Variants in AUP1 observed in about 807,000 individuals in gnomAD.
AUP1 encodes AUP1 lipid droplet regulating VLDL assembly factor, also known as lipid droplet-regulating VLDL assembly factor AUP1.
AUP1 carries 30 observed loss-of-function variants against 51.8 expected under a neutral mutation model. The ratio of observed to expected loss-of-function variants is 0.58; its 90% CI spans 0.43 to 0.79. AUP1 has a LOEUF of 0.79. Among genes scored for constraint, AUP1 ranks in the 30% least tolerant of loss-of-function variants. AUP1 has a pLI of 0.00. For synonymous variants in AUP1, 227 were observed against 209.0 expected (o/e 1.09, Z -0.74); for missense variants, 492 against 517.1 (o/e 0.95, Z 0.47).
chr2:74,527,104 T>C (rs1675222248), intron 10 of AUP1, 45 bp from the exon 11 acceptor site: 1 of 1,613,716 alleles, frequency 6.2e-7, no homozygotes, highest in African/African-American at 1.3e-5. Context: ...TCATCATCAT[T>C]AAACACGCAT....
intron 4 of AUP1, 59 bp from the exon 5 acceptor site, chr2:74,528,548 C>A: frequency 6.7e-7 from 1 of 1,489,658 alleles, no homozygotes; most frequent in Non-Finnish European, 9.3e-7. Context: ...GCAGCTCACA[C>A]CTGCCTTATA....
At chr2:74,527,133 G>C (rs934476788) in intron 10 of AUP1, 74 bp from the exon 11 acceptor site, 1 of 1,611,338 alleles carries the variant, frequency 6.2e-7, no homozygotes, top group Non-Finnish European at 8.5e-7. Context: ...TACTTTGCAA[G>C]AGAGGCACTA....
At position 74,527,775 on chromosome 2, in the gene AUP1, T is replaced by C. The variant is rs74372431; in HGVS notation, c.802A>G (p.Met268Val). ...RLTPADKAEH[M>V]KRQRHPRLRP... ...AATCTGGGGTGTCTTTGTCGCTTCA[T>C]GTGCTCTGCTTTGTCAGCTGGAGTG... The change falls in exon 8 of 12, where the codon ATG becomes GTG. Residue 268 changes from methionine (M) to valine (V), a missense_variant. Coordinates refer to ENST00000377526, the MANE Select transcript of AUP1 (RefSeq NM_181575.5). 1,229 of 1,614,004 alleles carry C rather than the reference T, an allele frequency of 7.6e-4. 7 individuals are homozygous for C. The African/African-American group carries it at 0.015, about 20-fold the overall frequency.
chr2:74,528,965 G>A, intron 3 of AUP1, 30 bp from the exon 4 acceptor site: 5 of 1,602,956 alleles, frequency 3.1e-6, no homozygotes, highest in Non-Finnish European at 4.2e-6. Context: ...AAAGCAAGAA[G>A]AAAAATATTG....
At position 74,528,840 on chromosome 2, in the gene AUP1, G is replaced by C; in HGVS notation, c.435C>G (p.Phe145Leu). The change falls in exon 4 of 12, where the codon TTC (phenylalanine) becomes TTG (leucine). Residue 145 changes from phenylalanine (F) to leucine (L), a missense_variant. Transcript: ENST00000377526. ...RGELVESLKR[F>L]CASTRLPPTP... ...TGGGGGGAAGCCTCGTGGAAGCACAGAATCTCTTGAGTGACTCCACCAACT... is the reference window on the plus strand; with the variant it reads ...TGGGGGGAAGCCTCGTGGAAGCACACAATCTCTTGAGTGACTCCACCAACT... 6.2e-7 allele frequency: 1 copy of C among 1,614,144 alleles called. No homozygotes were observed. Among genetic ancestry groups the C allele is most frequent in the South Asian group, 1.1e-5 (1 of 91,084 alleles).
Position 74,526,830 on chromosome 2 carries a change from G to T in AUP1, c.1203C>A (p.Phe401Leu). Residue 401 changes from phenylalanine (F) to leucine (L), a missense_variant, in exon 12 of 12, where the codon TTC becomes TTA. By Grantham distance (22) the Phe-to-Leu change is conservative. Coordinates refer to ENST00000377526, the MANE Select transcript of AUP1 (RefSeq NM_181575.5). ...QALYEYARRR[F>L]TERRAQEAD ...CAGCCTCCTGGGCTCGTCTCTCTGT[G>T]AATCTCCTGTGGGACATAGGGAGAG... is the stretch of plus-strand genomic sequence containing the variant. The T allele has an allele frequency of 6.4e-7, 1 of 1,560,030 alleles. No individual in the cohort carries two copies. Among genetic ancestry groups the T allele is most frequent in the Non-Finnish European group, 8.7e-7 (1 of 1,150,674 alleles).
At position 74,526,856 on chromosome 2, in the gene AUP1, ATAT is replaced by A; in HGVS notation, c.1197-23_1197-21del. The A allele has an allele frequency of 1.3e-6, 2 of 1,586,650 alleles. No homozygotes were observed. The highest frequency in any genetic ancestry group is 1.7e-6 in the Non-Finnish European group (2 of 1,163,454). On this transcript the variant is annotated intron_variant, in intron 11 of 11. Coordinates refer to ENST00000377526, the MANE Select transcript of AUP1 (RefSeq NM_181575.5). ...AATCTCCTGTGGGACATAGGGAGAG[ATAT>A]TATTCAGGCTTTGCCGTAGTAGCTC...
chr2:74,529,594 G>A lies in AUP1; in HGVS notation c.36C>T (p.Leu12=). ...GGGTCTCTTACCGGTGCGAGTCAAA[G>A]AGCCGCTCCGGCCCCGGCCCTGAGG... ...ELPSGPGPER[L]FDSHRLPGDC... Residue 12 remains leucine (L), a synonymous_variant, in exon 1 of 12, where the codon CTC becomes CTT. Coordinates refer to ENST00000377526, the MANE Select transcript of AUP1 (RefSeq NM_181575.5). The A allele has an allele frequency of 6.4e-7, 1 of 1,568,382 alleles. No individual in the cohort carries two copies. The highest frequency in any genetic ancestry group is 8.7e-7 in the Non-Finnish European group (1 of 1,155,406).
chr2:74,528,073 T>G, intron 6 of AUP1, 67 bp from the exon 7 acceptor site: 1 of 1,571,988 alleles, frequency 6.4e-7, no homozygotes, highest in South Asian at 1.1e-5. Context: ...ATTCCCCACT[T>G]TGGTACCTCT....
At position 74,526,992 on chromosome 2, in the gene AUP1, C is replaced by G; in HGVS notation, c.1145G>C (p.Arg382Pro). Residue 382 changes from arginine to proline, a missense_variant, in exon 11 of 12, where the codon CGG becomes CCG. Physicochemically the swap from Arg to Pro is moderately radical, Grantham distance 103. Transcript: ENST00000377526. ...ALTFAKSSWA[R>P]QESLQERKQA... ...CTTGCGCTCCTGCAGGCTCTCCTGC[C>G]GGGCCCAGGAAGACTTGGCAAATGT... The G allele has an allele frequency of 6.2e-7, 1 of 1,614,114 alleles. No individual in the cohort carries two copies. Among genetic ancestry groups the G allele is most frequent in the Non-Finnish European group, 8.5e-7 (1 of 1,180,032 alleles).
At chr2:74,528,192 C>T in intron 6 of AUP1, 56 bp downstream of exon 6, 2 of 1,554,488 alleles carry the variant, frequency 1.3e-6, no homozygotes, top group Non-Finnish European at 1.8e-6. Flanking sequence ...GCCACTAATT[C>T]CTTGACCTTG....
intron 2 of AUP1, 26 bp downstream of exon 2, chr2:74,529,336 C>G: frequency 1.2e-6 from 2 of 1,613,474 alleles, no homozygotes; most frequent in Non-Finnish European, 8.5e-7. Context: ...CCAGCTCTGA[C>G]ACTCCCCGAA....
Position 74,526,673 on chromosome 2 carries a change from A to T in AUP1, c.*127T>A. On this transcript the variant is annotated 3_prime_UTR_variant, in exon 12 of 12. Coordinates refer to ENST00000377526, the MANE Select transcript of AUP1 (RefSeq NM_181575.5). ...TGCCTTGAATGAAAACCATGAATTT[A>T]ATGTGACATTGGGGGAGCCTCATCC... 2 of 1,166,106 alleles carry T rather than the reference A, an allele frequency of 1.7e-6. No homozygotes were observed. Among genetic ancestry groups the T allele is most frequent in the Non-Finnish European group, 2.4e-6 (2 of 832,326 alleles). The allele number at this position is 1,166,106 out of a possible 1,614,324, so 72.2% of individuals were successfully genotyped here. A position where few individuals can be genotyped will look rare whatever the true frequency, so the allele number is the denominator to read the frequency against.
At position 74,529,657 on chromosome 2, in the gene AUP1, T is replaced by G; in HGVS notation, c.-28A>C. Reference sequence around the variant, plus strand: ...CTGCTGCTTCAGGAGCGCCCGGCCGTCGCCGCCGCCGCCATTTTCGCGCCC... The same window carrying G: ...CTGCTGCTTCAGGAGCGCCCGGCCGGCGCCGCCGCCGCCATTTTCGCGCCC... On this transcript the variant is annotated 5_prime_UTR_variant, in exon 1 of 12. Transcript: ENST00000377526. The G allele has an allele frequency of 6.5e-7, 1 of 1,545,930 alleles. No individual in the cohort carries two copies. The highest frequency in any genetic ancestry group is 8.7e-7 in the Non-Finnish European group (1 of 1,148,068).
Position 74,529,225 on chromosome 2 carries a change from G to T in AUP1, c.246C>A (p.Ser82=), listed in dbSNP as rs1017400756. 2 of 1,614,194 alleles carry T rather than the reference G, an allele frequency of 1.2e-6. No individual in the cohort carries two copies. Among genetic ancestry groups the T allele is most frequent in the Non-Finnish European group, 1.7e-6 (2 of 1,180,020 alleles). ...CCCTGACACTGTGATCCCGGAGTCC[G>T]GAGTCCTCCTGCCGGGCCACGAGCC... The part of the protein sequence containing the change: ...VLGLVARQED[S]GLRDHSVRVL... Residue 82 remains serine, a synonymous_variant, in exon 3 of 12, where the codon TCC becomes TCA. Transcript: ENST00000377526.
chr2:74,528,339 G>C lies in AUP1; in HGVS notation c.598-18C>G, dbSNP rs75060955. On this transcript the variant is annotated intron_variant, in intron 5 of 11. Transcript: ENST00000377526. ...GACACCGTCTGAGGGGAGGGCATGA[G>C]ATGAGGCCTAAGCCAGGGCCAGGGA... The C allele has an allele frequency of 6.2e-7, 1 of 1,613,816 alleles. No individual in the cohort carries two copies. The highest frequency in any genetic ancestry group is 1.3e-5 in the African/African-American group (1 of 75,056).
Position 74,528,319 on chromosome 2 carries a change from C to T in AUP1, c.600G>A (p.Thr200=), listed in dbSNP as rs369514997. The change falls in exon 6 of 12, where the codon ACG becomes ACA. Residue 200 remains threonine (T), a splice_region_variant and synonymous_variant. Coordinates refer to ENST00000377526, the MANE Select transcript of AUP1 (RefSeq NM_181575.5). The part of the protein sequence containing the change: ...LQVQRPLVSV[T]VSDASWVSEL... ...CTGAGACCCAGGAGGCATCTGACACCGTCTGAGGGGAGGGCATGAGATGAG... is the reference window on the plus strand; with the variant it reads ...CTGAGACCCAGGAGGCATCTGACACTGTCTGAGGGGAGGGCATGAGATGAG... 3.7e-6 allele frequency: 6 copies of T among 1,613,990 alleles called. No individual in the cohort carries two copies. The highest frequency in any genetic ancestry group is 1.1e-5 in the South Asian group (1 of 91,086).
At chr2:74,528,090 G>A (rs1675285800) in intron 6 of AUP1, 84 bp from the exon 7 acceptor site, 1 of 1,532,730 alleles carries the variant, frequency 6.5e-7, no homozygotes, top group Non-Finnish European at 9.0e-7. Flanking sequence ...CTCTTTGCAT[G>A]GTGGGTGGGA....
intron 6 of AUP1, 72 bp downstream of exon 6, chr2:74,528,176 G>A (rs941604748): frequency 6.6e-6 from 10 of 1,515,830 alleles, no homozygotes; most frequent in Middle Eastern, 1.8e-4. Context: ...AATGGACAGG[G>A]CAGAGGCCAC....
Sources: gnomAD v4.1 joint callset for allele counts on GRCh38, gnomAD v4.1.1 for gene constraint, MANE v1.5 for transcripts, NCBI Gene and HGNC (gene_info 2026-07-23, HGNC 2026-07-21) for gene names.